Variants in MASP1 observed in about 807,000 individuals in gnomAD.
MASP1 encodes the protein MBL associated serine protease 1.
A neutral mutation model predicts 77.1 loss-of-function variants in MASP1; 59 were observed. The ratio of observed to expected loss-of-function variants is 0.77; its 90% CI spans 0.62 to 0.95. The LOEUF (loss-of-function observed/expected upper bound fraction) is 0.95. Ranked by LOEUF, MASP1 falls within the 40% of genes least tolerant of loss-of-function variation. MASP1 has a pLI of 0.00. For missense variants in MASP1, 885 were observed against 912.9 expected, an observed-to-expected ratio of 0.97 and a Z score of 0.39; for synonymous variants, 362 against 354.5, an observed-to-expected ratio of 1.02 and a Z score of -0.24.
chr3:187,228,547 G>T (rs928581857), intron 11 of MASP1, among the ~76,000 whole-genome samples: 2 of 151,968 alleles, frequency 1.3e-5, no homozygotes, highest in African/African-American at 2.4e-5. Context: ...TTGTTGTATT[G>T]TTCCCTTTCA....
chr3:187,282,008 A>G (rs1282382800), intron 2 of MASP1, among the ~76,000 whole-genome samples: 1 of 152,190 alleles, frequency 6.6e-6, no homozygotes, highest in Non-Finnish European at 1.5e-5. Flanking sequence ...TTGGGATTTC[A>G]GAGGCAGACT....
Position 187,235,936 on chromosome 3 carries a change from C to T in MASP1, c.1935G>A (p.Glu645=), listed in dbSNP as rs762209739. The change falls in exon 11 of 11, where the codon GAG becomes GAA. Residue 645 remains glutamate, a synonymous_variant. Coordinates refer to ENST00000296280, the MANE Select transcript of MASP1 (RefSeq NM_139125.4). ...CGTAGTAGCCAGCACAGAACATGTTCTCCGTGACGCTGTAATTGCCCGAGC... is the reference window on the plus strand; with the variant it reads ...CGTAGTAGCCAGCACAGAACATGTTTTCCGTGACGCTGTAATTGCCCGAGC... ...ESRSGNYSVT[E]NMFCAGYYEG... The T allele has an allele frequency of 6.2e-7, 1 of 1,614,232 alleles. No individual in the cohort carries two copies. The highest frequency in any genetic ancestry group is 8.5e-7 in the Non-Finnish European group (1 of 1,180,038).
intron 1 of MASP1, among the ~76,000 whole-genome samples, chr3:187,286,915 G>A (rs968059183): frequency 1.3e-5 from 2 of 152,164 alleles, no homozygotes; most frequent in Non-Finnish European, 2.9e-5. Flanking sequence ...CCATCAACCA[G>A]TTCCCTGGCC....
chr3:187,275,708 C>A (rs1053115732), intron 2 of MASP1, among the ~76,000 whole-genome samples: 1 of 152,136 alleles, frequency 6.6e-6, no homozygotes, highest in Non-Finnish European at 1.5e-5. Context: ...CTATGCTCTG[C>A]GGGCTCTCTG....
rs775942615 is a variant in MASP1, at chr3:187,256,888, C to G, written c.548-28G>C. The G allele has an allele frequency of 2.5e-6, 4 of 1,598,004 alleles. No homozygotes were observed. The African/African-American group carries it at 5.4e-5, about 21-fold the overall frequency. ...GTTGGAAACATAATAGAGAAAATGG[C>G]GCATCGCAACCACAGCCATAGCAAG... On this transcript the variant is annotated intron_variant, in intron 4 of 10. Coordinates refer to ENST00000296280, the MANE Select transcript of MASP1 (RefSeq NM_139125.4).
intron 1 of MASP1, among the ~76,000 whole-genome samples, chr3:187,287,645 G>A (rs1422598309): frequency 1.3e-5 from 2 of 152,176 alleles, no homozygotes; most frequent in African/African-American, 4.8e-5. Context: ...TAAAGGTGAT[G>A]TATATAAAGG....
At chr3:187,226,976 T>C (rs1712472927) in intron 11 of MASP1, among the ~76,000 whole-genome samples, 1 of 152,206 alleles carries the variant, frequency 6.6e-6, no homozygotes, top group Non-Finnish European at 1.5e-5. Context: ...TGAATCAGAA[T>C]TTTCATTTTA....
intron 14 of MASP1, among the ~76,000 whole-genome samples, chr3:187,221,330 A>C (rs879763231): frequency 1.3e-5 from 2 of 152,202 alleles, no homozygotes; most frequent in Non-Finnish European, 2.9e-5. Flanking sequence ...GTTCTAGGGC[A>C]GTCTTGGCTG....
intron 2 of MASP1, among the ~76,000 whole-genome samples, chr3:187,275,978 C>A (rs933701709): frequency 6.6e-6 from 1 of 152,002 alleles, no homozygotes; most frequent in Non-Finnish European, 1.5e-5. Context: ...TCCCGCCCCC[C>A]ATCTGTACCT....
chr3:187,250,731 A>G (rs1239608752), intron 7 of MASP1, among the ~76,000 whole-genome samples: 1 of 152,072 alleles, frequency 6.6e-6, no homozygotes, highest in East Asian at 1.9e-4. Flanking sequence ...AAGCATTTGC[A>G]TTTCTAACAA....
At chr3:187,227,950 C>T (rs1002338928) in intron 11 of MASP1, among the ~76,000 whole-genome samples, 1 of 152,152 alleles carries the variant, frequency 6.6e-6, no homozygotes, top group Non-Finnish European at 1.5e-5. Flanking sequence ...TCTGCCCTCT[C>T]CTATCCTTCC....
intron 7 of MASP1, chr3:187,251,412 TAAAA>T: frequency 1.8e-5 from 8 of 456,480 alleles, no homozygotes; most frequent in East Asian, 4.1e-5. Flanking sequence ...ATGCTCTGAT[TAAAA>T]AAAAAAAAAA....
chr3:187,225,365 A>T (rs549831637), exon 13 of MASP1: 1 of 1,613,868 alleles, frequency 6.2e-7, no homozygotes, highest in Admixed American at 1.7e-5. Flanking sequence ...GGGCATCACG[A>T]AGGCATTCAG....
At chr3:187,220,383 C>T (rs1303610849) in intron 15 of MASP1, 4 of 830,020 alleles carry the variant, frequency 4.8e-6, no homozygotes, top group East Asian at 5.3e-5. Context: ...ACCGTTGGAC[C>T]CAAACCTCAG....
intron 2 of MASP1, among the ~76,000 whole-genome samples, chr3:187,278,020 T>G (rs1370108967): frequency 6.6e-6 from 1 of 152,196 alleles, no homozygotes; most frequent in African/African-American, 2.4e-5. Flanking sequence ...ACTTTATTAC[T>G]CATACCATTG....
rs374759825 is a variant in MASP1 at position 187,256,645 on chromosome 3, G to A, written c.744+19C>T. ...AGATTTTCCAGCATCTCCAGGACAA[G>A]TGTTCATTGCAGGCTCACCTTGATG... is the stretch of plus-strand genomic sequence containing the variant. On this transcript the variant is annotated intron_variant, in intron 5 of 10. Transcript: ENST00000296280. 2 of 1,613,032 alleles carry A rather than the reference G, an allele frequency of 1.2e-6. No homozygotes were observed. The highest frequency in any genetic ancestry group is 4.5e-5 in the East Asian group (2 of 44,862).
intron 6 of MASP1, among the ~76,000 whole-genome samples, chr3:187,252,255 T>C (rs1430007734): frequency 6.6e-6 from 1 of 152,220 alleles, no homozygotes; most frequent in African/African-American, 2.4e-5. Flanking sequence ...CGGACTCTGC[T>C]GATTACATGA....
chr3:187,220,492 C>CTTTTTTTTTTTTTTTTTTTTT lies in MASP1; in HGVS notation c.1910-232_1910-231insAAAAAAAAAAAAAAAAAAAAA, dbSNP rs747532550. 1.5e-5 allele frequency among the ~76,000 whole-genome samples: 2 copies of CTTTTTTTTTTTTTTTTTTTTT among 134,564 alleles called. 1 individual carries two copies. The allele number at this position is 134,564 out of a possible 152,430, so 88.3% of individuals were successfully genotyped here. A position where few individuals can be genotyped will look rare whatever the true frequency, so the allele number is the denominator to read the frequency against. The stretch of plus-strand genomic sequence containing the variant: ...TTCTTTTCTTTTCTTTTTCTTTTTT[C>CTTTTTTTTTTTTTTTTTTTTT]TTTCTTTTTTTTTTTTTTTTTGAGA... On this transcript the variant is annotated intron_variant, in intron 15 of 15. Transcript: ENST00000337774.
intron 2 of MASP1, among the ~76,000 whole-genome samples, chr3:187,264,597 A>G (rs1941221695): frequency 6.6e-6 from 1 of 152,224 alleles, no homozygotes; most frequent in Admixed American, 6.5e-5. Context: ...TTAAAGTGAT[A>G]ATCTTGGGGA....
Sources: allele counts gnomAD v4.1 joint callset (sites outside exome capture counted in the v4.1 genomes callset), GRCh38; gene constraint gnomAD v4.1.1; transcripts MANE v1.5; gene names NCBI Gene and HGNC (gene_info 2026-07-23, HGNC 2026-07-21).